Variants in SMIM35 observed in about 807,000 individuals in gnomAD.
The protein encoded by SMIM35 is small integral membrane protein 35.
At chr11:118,084,228 G>A (rs1173100522) in intron 1 of SMIM35, among the ~76,000 whole-genome samples, 1 of 152,102 alleles carries the variant, frequency 6.6e-6, no homozygotes, top group Non-Finnish European at 1.5e-5. Flanking sequence ...TCAGGCCAAT[G>A]AGCAAACAGG....
intron 1 of SMIM35, among the ~76,000 whole-genome samples, chr11:118,048,102 G>C (rs1944132507): frequency 6.6e-6 from 1 of 152,146 alleles, no homozygotes; most frequent in Non-Finnish European, 1.5e-5. Flanking sequence ...TGTTTTAATA[G>C]CTATGCATTT....
intron 1 of SMIM35, among the ~76,000 whole-genome samples, chr11:118,023,903 C>T (rs56340594): frequency 0.098 from 14,795 of 151,588 alleles, 987 homozygotes; most frequent in East Asian, 0.37. Flanking sequence ...GGTGTGGTGG[C>T]GTGTGCCTGT....
At chr11:118,054,029 A>C (rs1417978555) in intron 1 of SMIM35, among the ~76,000 whole-genome samples, 3 of 152,020 alleles carry the variant, frequency 2.0e-5, no homozygotes, top group Non-Finnish European at 2.9e-5. Flanking sequence ...AATTTTCAGC[A>C]TGATTTTTTA....
rs1275392269 is a variant in SMIM35 at position 118,067,871 on chromosome 11, A to ATG, written c.7+18879_7+18880insCA. 9.8e-5 allele frequency among the ~76,000 whole-genome samples: 5 copies of ATG among 50,938 alleles called. No individual in the cohort carries two copies. The Admixed American group carries it at 1.2e-3, about 12-fold the overall frequency. The allele number at this position is 50,938 out of a possible 152,430, so 33.4% of individuals were successfully genotyped here. On this transcript the variant is annotated intron_variant, in intron 1 of 4. Transcript: ENST00000689828. ...AAAACAACAACAAACATATATATAT[A>ATG]TATATATATATATATATATATATAT...
intron 1 of SMIM35, among the ~76,000 whole-genome samples, chr11:118,019,775 C>T (rs1168192800): frequency 2.6e-5 from 4 of 151,928 alleles, no homozygotes; most frequent in Non-Finnish European, 5.9e-5. Context: ...TACATTATCT[C>T]CATAATTTTT....
chr11:118,035,304 G>A (rs1168161689), intron 1 of SMIM35, among the ~76,000 whole-genome samples: 1 of 151,932 alleles, frequency 6.6e-6, no homozygotes, highest in African/African-American at 2.4e-5. Flanking sequence ...CACCTCTCAT[G>A]CCAGCCCTTG....
intron 1 of SMIM35, among the ~76,000 whole-genome samples, chr11:118,073,950 G>C (rs1944613607): frequency 6.6e-6 from 1 of 152,250 alleles, no homozygotes; most frequent in African/African-American, 2.4e-5. Flanking sequence ...ACACCTCTCA[G>C]AATCTGGTGT....
intron 1 of SMIM35, among the ~76,000 whole-genome samples, chr11:118,021,694 A>G (rs550576734): frequency 6.6e-6 from 1 of 152,226 alleles, no homozygotes; most frequent in Non-Finnish European, 1.5e-5. Context: ...ATTACCAAGG[A>G]TGAAGAAGGA....
At chr11:118,079,820 T>G (rs76308906) in intron 1 of SMIM35, among the ~76,000 whole-genome samples, 3,140 of 152,254 alleles carry the variant, frequency 0.021, 89 homozygotes, top group African/African-American at 0.068. Flanking sequence ...CCACCCTGAC[T>G]GGGGCACAGA....
intron 1 of SMIM35, among the ~76,000 whole-genome samples, chr11:118,069,989 A>G (rs1436918543): frequency 6.6e-6 from 1 of 152,116 alleles, no homozygotes; most frequent in African/African-American, 2.4e-5. Flanking sequence ...CAAACCAGGA[A>G]GGCGGAGGTT....
chr11:118,047,262 T>G (rs2135092661), intron 1 of SMIM35, among the ~76,000 whole-genome samples: 1 of 152,358 alleles, frequency 6.6e-6, no homozygotes, highest in South Asian at 2.1e-4. Flanking sequence ...GACATGGATT[T>G]ATTGGCGATC....
At chr11:118,053,570 C>T (rs1331101571) in intron 1 of SMIM35, among the ~76,000 whole-genome samples, 1 of 152,186 alleles carries the variant, frequency 6.6e-6, no homozygotes, top group Non-Finnish European at 1.5e-5. Flanking sequence ...ATTCCTGCAA[C>T]CTGAGCGCCC....
intron 1 of SMIM35, among the ~76,000 whole-genome samples, chr11:118,085,498 C>A (rs1203791447): frequency 6.6e-6 from 1 of 152,084 alleles, no homozygotes; most frequent in African/African-American, 2.4e-5. Context: ...CCTGCCATTT[C>A]CCTCCCTCTT....
intron 1 of SMIM35, among the ~76,000 whole-genome samples, chr11:118,065,754 T>C (rs1944464530): frequency 6.6e-6 from 1 of 152,316 alleles, no homozygotes; most frequent in East Asian, 1.9e-4. Flanking sequence ...AGCTTCTTGT[T>C]CAGCCCACTC....
chr11:118,029,072 C>A, intron 1 of SMIM35: 1 of 303,002 alleles, frequency 3.3e-6, no homozygotes, highest in Non-Finnish European at 6.6e-6. Flanking sequence ...CACTGAGTCA[C>A]TCAAATAAAG....
chr11:118,051,209 A>T (rs1322553632), intron 1 of SMIM35, among the ~76,000 whole-genome samples: 1 of 152,204 alleles, frequency 6.6e-6, no homozygotes, highest in Non-Finnish European at 1.5e-5. Context: ...TATGCCTTGT[A>T]TTGTTCTCTG....
intron 1 of SMIM35, among the ~76,000 whole-genome samples, chr11:118,041,868 T>C (rs985541908): frequency 5.3e-5 from 8 of 151,626 alleles, no homozygotes; most frequent in Non-Finnish European, 8.8e-5. Context: ...CTGGCCAACA[T>C]GGTGAAACCC....
intron 1 of SMIM35, among the ~76,000 whole-genome samples, chr11:118,039,817 G>C (rs1049357557): frequency 5.9e-5 from 9 of 151,780 alleles, no homozygotes; most frequent in African/African-American, 2.2e-4. Context: ...TTGGGAGGCC[G>C]AGGCGGGACT....
At chr11:118,062,710 G>A (rs1417031255) in intron 1 of SMIM35, among the ~76,000 whole-genome samples, 3 of 152,128 alleles carry the variant, frequency 2.0e-5, no homozygotes, top group Non-Finnish European at 4.4e-5. Flanking sequence ...CCTCTTCGTT[G>A]ACTTCCATCT....
Sources: gnomAD v4.1 joint callset for allele counts (sites outside exome capture counted in the v4.1 genomes callset) on GRCh38, gnomAD v4.1.1 for gene constraint, MANE v1.5 for transcripts, NCBI Gene and HGNC (gene_info 2026-07-23, HGNC 2026-07-21) for gene names.